Variants in RNF126 observed in about 807,000 individuals in gnomAD.
RNF126 encodes the protein E3 ubiquitin-protein ligase RNF126.
A neutral mutation model predicts 41.9 loss-of-function variants in RNF126; 20 were observed. The ratio of observed to expected loss-of-function variants is 0.48; its 90% CI spans 0.34 to 0.69. The LOEUF (loss-of-function observed/expected upper bound fraction) is 0.69, where lower values mean the gene tolerates loss of function less well. RNF126 is among the 30% of genes least tolerant of loss of function. The pLI is 0.01. For missense variants in RNF126, 433 were observed against 460.6 expected (o/e 0.94, Z 0.55); for synonymous variants, 239 against 202.9 (o/e 1.18, Z -1.51).
chr19:654,550 G>A (rs1443592338), intron 1 of RNF126, among the ~76,000 whole-genome samples: 1 of 150,300 alleles, frequency 6.7e-6, no homozygotes, highest in African/African-American at 2.4e-5. Flanking sequence ...GGCTGAGGCA[G>A]GAGAATTGCT....
rs755001423 is a variant in RNF126, at chr19:648,274, C to T, written c.790G>A (p.Asp264Asn). 17 of 1,555,970 alleles carry T rather than the reference C, an allele frequency of 1.1e-5. No homozygotes were observed. The highest frequency in any genetic ancestry group is 1.9e-5 in the Admixed American group (1 of 51,546). Reference sequence around the variant, plus strand: ...CTTTTTCGGCAGACGGGGCAGCTGTCGTGCTTTGTGGGGACAGAGGCAGGG... The same window carrying T: ...CTTTTTCGGCAGACGGGGCAGCTGTTGTGCTTTGTGGGGACAGAGGCAGGG... ...GCIVPWLEQH[D>N]SCPVCRKSLT... The change falls in exon 9 of 9, where the codon GAC (aspartate) becomes AAC (asparagine). Residue 264 changes from aspartate (D) to asparagine (N), a missense_variant. Coordinates refer to ENST00000292363, the MANE Select transcript of RNF126 (RefSeq NM_194460.3).
chr19:647,730 G>A lies in RNF126; in HGVS notation c.*398C>T. 3.6e-6 allele frequency: 1 copy of A among 277,262 alleles called. No homozygotes were observed. The highest frequency in any genetic ancestry group is 7.1e-6 in the Non-Finnish European group (1 of 140,590). The allele number at this position is 277,262 out of a possible 1,614,324, so 17.2% of individuals were successfully genotyped here. The stretch of plus-strand genomic sequence containing the variant: ...CCTGGCGGCACCTGCAGCACTGGGG[G>A]AGCCGCTGAACCCCGTGCTTCAGCG... On this transcript the variant is annotated 3_prime_UTR_variant, in exon 9 of 9. Transcript: ENST00000292363.
intron 1 of RNF126, among the ~76,000 whole-genome samples, chr19:660,091 T>G (rs955232316): frequency 2.6e-5 from 4 of 152,236 alleles, no homozygotes; most frequent in Non-Finnish European, 5.9e-5. Context: ...TGGGGGCAAC[T>G]GCTGCCCCTG....
chr19:648,202 C>T lies in RNF126; in HGVS notation c.862G>A (p.Val288Met). The T allele has an allele frequency of 6.2e-7, 1 of 1,606,754 alleles. No individual in the cohort carries two copies. Among genetic ancestry groups the T allele is most frequent in the South Asian group, 1.1e-5 (1 of 89,884 alleles). ...TATNPPGLTG[V>M]SFSSSSSSSS... is the part of the protein sequence containing the mutation. ...GATGACGACGAGGAGGAGAAGCTCA[C>T]CCCAGTGAGGCCAGGGGGGTTCGTG... Residue 288 changes from valine to methionine, a missense_variant, in exon 9 of 9, where the codon GTG (valine) becomes ATG (methionine). Physicochemically the swap from Val to Met is conservative, Grantham distance 21. Coordinates refer to ENST00000292363, the MANE Select transcript of RNF126 (RefSeq NM_194460.3).
chr19:648,795 CCT>C (rs1299620486), intron 7 of RNF126, 85 bp downstream of exon 7: 76 of 826,640 alleles, frequency 9.2e-5, no homozygotes, highest in Non-Finnish European at 1.3e-4. Context: ...ATGGTGAAAC[CCT>C]GTCTCTACTG....
intron 4 of RNF126, 80 bp from the exon 5 acceptor site, chr19:650,376 G>T: frequency 4.9e-6 from 6 of 1,234,584 alleles, no homozygotes; most frequent in Non-Finnish European, 6.9e-6. Context: ...TCCGTGGTGA[G>T]CACCAAGGGC....
In RNF126 at chr19:659,484, C is replaced by T. The variant is rs540934945; in HGVS notation, c.75+3563G>A. On this transcript the variant is annotated intron_variant, in intron 1 of 8. Transcript: ENST00000292363. The surrounding 1 kb of genome is among the most constrained non-coding windows in gnomAD (Gnocchi z 4.9). ...GGTCGGCAGGCAGAGCTGGAACCAC[C>T]CTAGGAACCACCCAGAGACGGGGAG... is the stretch of plus-strand genomic sequence containing the variant. 3.9e-5 allele frequency among the ~76,000 whole-genome samples: 6 copies of T among 152,256 alleles called. No individual in the cohort carries two copies. The East Asian group carries it at 1.2e-3, about 30-fold the overall frequency.
intron 1 of RNF126, chr19:661,271 C>A (rs926481024): frequency 2.0e-5 from 3 of 152,616 alleles, no homozygotes; most frequent in Non-Finnish European, 2.9e-5. Flanking sequence ...GTCGGCCCCC[C>A]ACAGCCACCA....
chr19:663,169 C>T lies in RNF126; in HGVS notation c.-48G>A. 2.1e-6 allele frequency: 2 copies of T among 967,392 alleles called. No individual in the cohort carries two copies. Among genetic ancestry groups the T allele is most frequent in the Non-Finnish European group, 2.6e-6 (2 of 772,746 alleles). The allele number at this position is 967,392 out of a possible 1,614,324, so 59.9% of individuals were successfully genotyped here. On this transcript the variant is annotated 5_prime_UTR_variant, in exon 1 of 9. Transcript: ENST00000292363. ...CCGCCCGCCCCCCGCGCGGCACCCG[C>T]CGCCGGCCGTTTGCTGCTCCCTCGC...
intron 1 of RNF126, among the ~76,000 whole-genome samples, chr19:654,950 AGAGT>A (rs2144767763): frequency 6.6e-6 from 1 of 152,116 alleles, no homozygotes. Flanking sequence ...CCTGGGCGAC[AGAGT>A]GAGACTCCGT....
At chr19:652,395 G>T in intron 2 of RNF126, 99 bp from the exon 3 acceptor site, 1 of 1,113,720 alleles carries the variant, frequency 9.0e-7, no homozygotes. Flanking sequence ...AGCAGGAATT[G>T]TCCTTGGCAC....
intron 1 of RNF126, among the ~76,000 whole-genome samples, chr19:657,583 AG>A (rs1309214189): frequency 6.6e-6 from 1 of 152,082 alleles, no homozygotes; most frequent in Non-Finnish European, 1.5e-5. Flanking sequence ...CGCCCACCCT[AG>A]GGGTTTCAAA....
chr19:652,137 C>T (rs2030334247), intron 3 of RNF126, 96 bp downstream of exon 3: 1 of 1,077,734 alleles, frequency 9.3e-7, no homozygotes, highest in South Asian at 1.7e-5. Flanking sequence ...GCCGTGCGGG[C>T]AGGGAGAGCC....
Position 652,882 on chromosome 19 carries a change from A to T in RNF126, c.78T>A (p.Asp26Glu), listed in dbSNP as rs767274152. The stretch of plus-strand genomic sequence containing the variant: ...CAGACTCGCATCTTGGACAGATATA[A>T]TCCTGCAGGAGAGAACAGGAGGCCG... ...CSVEIVPRLP[D>E]YICPRCESGF... is the part of the protein sequence containing the mutation. Residue 26 changes from aspartate to glutamate, a missense_variant and splice_region_variant, in exon 2 of 9, where the codon GAT (aspartate) becomes GAA (glutamate). Transcript: ENST00000292363. The T allele has an allele frequency of 7.4e-6, 12 of 1,612,336 alleles. No homozygotes were observed. Among genetic ancestry groups the T allele is most frequent in the Non-Finnish European group, 8.5e-6 (10 of 1,179,364 alleles).
At chr19:651,231 T>C (rs1334711679) in intron 4 of RNF126, among the ~76,000 whole-genome samples, 1 of 137,782 alleles carries the variant, frequency 7.3e-6, no homozygotes, top group South Asian at 2.4e-4. Flanking sequence ...CCACCAGGAG[T>C]GGGGCCCTGC....
At chr19:655,883 G>C (rs542557624) in intron 1 of RNF126, among the ~76,000 whole-genome samples, 1 of 151,530 alleles carries the variant, frequency 6.6e-6, no homozygotes, top group Non-Finnish European at 1.5e-5. Context: ...GGCCACGGCG[G>C]GGGGGAGGGG....
intron 2 of RNF126, 43 bp from the exon 3 acceptor site, chr19:652,339 C>T: frequency 4.7e-6 from 7 of 1,491,602 alleles, no homozygotes; most frequent in Non-Finnish European, 6.3e-6. Context: ...TACCCTGTGC[C>T]CCCATGCGCC....
intron 1 of RNF126, among the ~76,000 whole-genome samples, chr19:656,785 T>C (rs2030578749): frequency 6.6e-6 from 1 of 152,134 alleles, no homozygotes. Flanking sequence ...TCTTGGGGTG[T>C]GTTTGGGGTG....
intron 1 of RNF126, among the ~76,000 whole-genome samples, chr19:656,265 G>A (rs1238017894): frequency 6.6e-6 from 1 of 152,092 alleles, no homozygotes; most frequent in Admixed American, 6.6e-5. Context: ...TGCCAGGATC[G>A]CTTGAACCTG....
Sources: allele counts gnomAD v4.1 joint callset (sites outside exome capture counted in the v4.1 genomes callset), GRCh38; gene constraint gnomAD v4.1.1; non-coding constraint Gnocchi (gnomAD v3.1); transcripts MANE v1.5; gene names NCBI Gene and HGNC (gene_info 2026-07-23, HGNC 2026-07-21).